SCYL1: variants seen among roughly 807,000 people sequenced by gnomAD.
The protein encoded by SCYL1 is N-terminal kinase-like protein.
SCYL1 carries 85 observed loss-of-function variants against 94.8 expected under a neutral mutation model. That is an observed-to-expected ratio of 0.90 (90% confidence interval 0.75 to 1.07). The LOEUF (loss-of-function observed/expected upper bound fraction) is 1.07, where lower values mean the gene tolerates loss of function less well. Ranked by LOEUF, SCYL1 falls within the 50% of genes least tolerant of loss-of-function variation. The pLI, the probability that SCYL1 is intolerant of heterozygous loss-of-function variation, is 0.00. For synonymous variants in SCYL1, 459 were observed against 435.5 expected, an observed-to-expected ratio of 1.05 and a Z score of -0.67; for missense variants, 968 against 1,083.3, an observed-to-expected ratio of 0.89 and a Z score of 1.49.
At position 65,538,099 on chromosome 11, in the gene SCYL1, G is replaced by T; in HGVS notation, c.2164G>T (p.Ala722Ser). 1 of 1,604,924 alleles carries T rather than the reference G, an allele frequency of 6.2e-7. No individual in the cohort carries two copies. The highest frequency in any genetic ancestry group is 1.3e-5 in the African/African-American group (1 of 74,980). The change falls in exon 16 of 18, where the codon GCC becomes TCC. Residue 722 changes from alanine to serine, a missense_variant. Ala to Ser is a moderately conservative substitution (Grantham distance 99). Coordinates refer to ENST00000270176, the MANE Select transcript of SCYL1 (RefSeq NM_020680.4). ...GCCACCTCCTGACGGTACACGGCTG[G>T]CCAGCGAGTATAACTGGGGTGGCCC... ...QEPPPDGTRL[A>S]SEYNWGGPES... is the part of the protein sequence containing the mutation.
In SCYL1 at chr11:65,526,398, C is replaced by T. The variant is rs540889830; in HGVS notation, c.602+48C>T. 8.9e-6 allele frequency: 13 copies of T among 1,456,018 alleles called. No homozygotes were observed. In the South Asian group the frequency reaches 1.4e-4, roughly 16 times the overall value. 90.2% of individuals were successfully genotyped at this position (1,456,018 alleles called of 1,614,324 possible). A position where few individuals can be genotyped will look rare whatever the true frequency, so the allele number is the denominator to read the frequency against. On this transcript the variant is annotated intron_variant, in intron 4 of 17. Coordinates refer to ENST00000270176, the MANE Select transcript of SCYL1 (RefSeq NM_020680.4). This position sits in a 1 kb window ranked among gnomAD's most constrained non-coding sequence, Gnocchi z 4.1. ...CCCCAACCTGCCCTGTCCTGGAGGC[C>T]CCTGCAGCCTCAGGACTCCTAGACT...
intron 7 of SCYL1, 108 bp from the exon 8 acceptor site, chr11:65,531,468 G>C (rs11600543): frequency 1.3e-5 from 10 of 766,512 alleles, no homozygotes; most frequent in Admixed American, 2.0e-5. Flanking sequence ...CCCCCCCTCC[G>C]CCATCACTTC....
chr11:65,537,133 G>T lies in SCYL1; in HGVS notation c.1959+5G>T. 6.2e-7 allele frequency: 1 copy of T among 1,614,148 alleles called. No homozygotes were observed. The highest frequency in any genetic ancestry group is 8.5e-7 in the Non-Finnish European group (1 of 1,179,984). On this transcript the variant is annotated splice_donor_5th_base_variant and intron_variant, in intron 14 of 17. Transcript: ENST00000270176. ...GAAGACTGGGGCAGCCTGGAGGTGT[G>T]TGGGGCTGAGGGAGCCTCCCCAGGG...
chr11:65,528,253 C>T (rs971926089), intron 6 of SCYL1, among the ~76,000 whole-genome samples: 8 of 149,744 alleles, frequency 5.3e-5, no homozygotes, highest in Non-Finnish European at 7.4e-5. Context: ...TACCAGCTGA[C>T]GACATGGAGA....
Position 65,537,855 on chromosome 11 carries a change from G to A in SCYL1, c.2006G>A (p.Gly669Glu), listed in dbSNP as rs1215442542. ...VLAQQDDWST[G>E]GQVSRASQVS... ...GCCCAGCAGGACGACTGGAGCACCG[G>A]GGGCCAAGTGAGCCGTGCTAGTCAG... Residue 669 changes from glycine (G) to glutamate (E), a missense_variant, in exon 15 of 18, where the codon GGG becomes GAG. By Grantham distance (98) the Gly-to-Glu change is moderately conservative. Coordinates refer to ENST00000270176, the MANE Select transcript of SCYL1 (RefSeq NM_020680.4). The A allele has an allele frequency of 6.3e-7, 1 of 1,575,964 alleles. No homozygotes were observed. Among genetic ancestry groups the A allele is most frequent in the South Asian group, 1.2e-5 (1 of 85,902 alleles).
chr11:65,533,952 G>T lies in SCYL1; in HGVS notation c.1230+1147G>T, dbSNP rs138471129. On this transcript the variant is annotated intron_variant, in intron 9 of 17. Transcript: ENST00000270176. ...TCTACTAAAAATACAAAAAATGGCT[G>T]GGCCCGGTTGCTCACACCTGTAATC... is the stretch of plus-strand genomic sequence containing the variant. Among the ~76,000 whole-genome samples, 323 of 152,220 alleles carry T rather than the reference G, an allele frequency of 2.1e-3. 2 individuals carry two copies. The highest frequency in any genetic ancestry group is 7.6e-3 in the African/African-American group (316 of 41,546).
At position 65,538,323 on chromosome 11, in the gene SCYL1, T is replaced by G. The variant is rs1443152869; in HGVS notation, c.2301T>G (p.Ser767Arg). 1 of 1,547,798 alleles carries G rather than the reference T, an allele frequency of 6.5e-7. No individual in the cohort carries two copies. The highest frequency in any genetic ancestry group is 8.7e-7 in the Non-Finnish European group (1 of 1,144,956). Residue 767 changes from serine (S) to arginine (R), a missense_variant and splice_region_variant, in exon 17 of 18, where the codon AGT becomes AGG. Physicochemically the swap from Ser to Arg is moderately radical, Grantham distance 110 (BLOSUM62 -1). Around this residue, in one of 2 missense-constraint regions of SCYL1, gnomAD observed 474 missense variants for 463.6 expected, o/e 1.02. Transcript: ENST00000270176. The stretch of plus-strand genomic sequence containing the variant: ...ACTGGGAGGGCCTCGAGACTGACAG[T>G]CGTAAGTGCTTCCCCTGGGTGGGCT... ...EDNWEGLETDSRQVKAELARK... is the reference protein window; with the variant it reads ...EDNWEGLETDRRQVKAELARK...
In SCYL1 at chr11:65,535,332, T is replaced by G; in HGVS notation, c.1336T>G (p.Cys446Gly). 1 of 1,614,272 alleles carries G rather than the reference T, an allele frequency of 6.2e-7. No individual in the cohort carries two copies. The highest frequency in any genetic ancestry group is 8.5e-7 in the Non-Finnish European group (1 of 1,180,028). Reference protein sequence around the residue: ...QAKDEQGPIRCNTTVCLGKIG... With the variant: ...QAKDEQGPIRGNTTVCLGKIG... The stretch of plus-strand genomic sequence containing the variant: ...CAAGGATGAACAGGGCCCCATCCGC[T>G]GCAACACCACAGTCTGCCTGGGCAA... The change falls in exon 10 of 18, where the codon TGC (cysteine) becomes GGC (glycine). Residue 446 changes from cysteine (C) to glycine (G), a missense_variant. Around this residue, in one of 2 missense-constraint regions of SCYL1, gnomAD observed 494 missense variants for 619.7 expected, o/e 0.80. Transcript: ENST00000270176.
intron 9 of SCYL1, among the ~76,000 whole-genome samples, chr11:65,533,888 C>G (rs1203912073): frequency 6.6e-6 from 1 of 152,156 alleles, no homozygotes; most frequent in African/African-American, 2.4e-5. Context: ...AGTTTGAGAC[C>G]AGCCTGGCCA....
chr11:65,537,099 T>C lies in SCYL1; in HGVS notation c.1930T>C (p.Trp644Arg). 1.9e-6 allele frequency: 3 copies of C among 1,614,000 alleles called. No individual in the cohort carries two copies. The highest frequency in any genetic ancestry group is 2.2e-5 in the East Asian group (1 of 44,876). The change falls in exon 14 of 18, where the codon TGG (tryptophan) becomes CGG (arginine). Residue 644 changes from tryptophan to arginine, a missense_variant. Physicochemically the swap from Trp to Arg is moderately radical, Grantham distance 101. This residue lies in a region of SCYL1 where 474 missense variants were observed against 463.6 expected (regional missense o/e 1.02). Transcript: ENST00000270176. The part of the protein sequence containing the change: ...TAEDSSTADR[W>R]DDEDWGSLEQ... ...AGAGGACAGCAGCACTGCTGACAGATGGGACGACGAAGACTGGGGCAGCCT... is the reference window on the plus strand; with the variant it reads ...AGAGGACAGCAGCACTGCTGACAGACGGGACGACGAAGACTGGGGCAGCCT...
chr11:65,531,519 C>A, intron 7 of SCYL1, 57 bp from the exon 8 acceptor site: 3 of 1,334,348 alleles, frequency 2.2e-6, no homozygotes, highest in African/African-American at 1.4e-5. Context: ...TTTAGATAAG[C>A]CCAGCAAAGT....
rs1223456473 is a variant in SCYL1 at position 65,538,062 on chromosome 11, A to C, written c.2127A>C (p.Pro709=). ...EGSWEQGWQE[P]SSQEPPPDGT... The stretch of plus-strand genomic sequence containing the variant: ...CCTGGGAACAGGGCTGGCAGGAGCC[A>C]AGCTCCCAGGAGCCACCTCCTGACG... Residue 709 remains proline (P), a synonymous_variant, in exon 16 of 18, where the codon CCA becomes CCC. Coordinates refer to ENST00000270176, the MANE Select transcript of SCYL1 (RefSeq NM_020680.4). 1.2e-6 allele frequency: 2 copies of C among 1,609,276 alleles called. No individual in the cohort carries two copies. The highest frequency in any genetic ancestry group is 2.7e-5 in the African/African-American group (2 of 74,912).
At position 65,530,932 on chromosome 11, in the gene SCYL1, G is replaced by A; in HGVS notation, c.1008+145G>A. 1.1e-5 allele frequency: 9 copies of A among 850,922 alleles called. No individual in the cohort carries two copies. The South Asian group carries it at 1.7e-4, about 16-fold the overall frequency. 52.7% of individuals were successfully genotyped at this position (850,922 alleles called of 1,614,324 possible). A position where few individuals can be genotyped will look rare whatever the true frequency, so the allele number is the denominator to read the frequency against. On this transcript the variant is annotated intron_variant, in intron 7 of 17. Coordinates refer to ENST00000270176, the MANE Select transcript of SCYL1 (RefSeq NM_020680.4). ...TGCCAGTGTCTATAAACAGGTACCT[G>A]ACCAGCTGTCCCCTGGGGAGGAGAG...
chr11:65,533,838 T>G (rs956308063), intron 9 of SCYL1, among the ~76,000 whole-genome samples: 1 of 151,882 alleles, frequency 6.6e-6, no homozygotes, highest in South Asian at 2.1e-4. Flanking sequence ...ATCCCAGCAC[T>G]TTGGGAGGCC....
At chr11:65,536,487 AAGG>A in intron 12 of SCYL1, 96 bp from the exon 13 acceptor site, 1 of 1,463,180 alleles carries the variant, frequency 6.8e-7, no homozygotes, top group Non-Finnish European at 9.4e-7. Context: ...GGCCTGGAGA[AAGG>A]AGGGGTGGCT....
At position 65,538,149 on chromosome 11, in the gene SCYL1, C is replaced by T. The variant is rs776892194; in HGVS notation, c.2214C>T (p.Pro738=). 6.3e-7 allele frequency: 1 copy of T among 1,596,622 alleles called. No individual in the cohort carries two copies. Among genetic ancestry groups the T allele is most frequent in the Admixed American group, 1.7e-5 (1 of 57,508 alleles). Residue 738 remains proline (P), a synonymous_variant, in exon 16 of 18, where the codon CCC becomes CCT. Transcript: ENST00000270176. ...GGPESSDKGD[P]FATLSARPST... ...CAGAGTCCAGCGACAAGGGCGACCC[C>T]TTCGCTACCCTGTCTGCACGTCCCA...
intron 9 of SCYL1, chr11:65,533,067 T>C: frequency 2.3e-6 from 1 of 442,002 alleles, no homozygotes; most frequent in Non-Finnish European, 4.2e-6. Context: ...CCTGCACTCA[T>C]GGAGCTTCCT....
chr11:65,527,707 G>A (rs1028635175), intron 6 of SCYL1, among the ~76,000 whole-genome samples: 3 of 150,314 alleles, frequency 2.0e-5, no homozygotes, highest in Admixed American at 6.6e-5. Context: ...ACTCTAGCCC[G>A]GGCGACAGTG....
At chr11:65,530,555 T>A in intron 6 of SCYL1, 74 bp from the exon 7 acceptor site, 1 of 1,525,870 alleles carries the variant, frequency 6.6e-7, no homozygotes. Context: ...CACTTCTCCT[T>A]GTCCTCACCC....
Sources: allele counts gnomAD v4.1 joint callset (sites outside exome capture counted in the v4.1 genomes callset), GRCh38; gene constraint gnomAD v4.1.1; regional missense constraint gnomAD v4.1.1; non-coding constraint Gnocchi (gnomAD v3.1); transcripts MANE v1.5; gene names NCBI Gene and HGNC (gene_info 2026-07-23, HGNC 2026-07-21).